FYB1: variants seen among roughly 807,000 people sequenced by gnomAD.
FYB1 encodes the protein FYN binding protein 1.
In FYB1, 41 loss-of-function variants were observed where a neutral mutation model predicts 94.1. That is an observed-to-expected ratio of 0.44 (90% CI 0.34 to 0.57). FYB1 has a LOEUF of 0.57. Among genes scored for constraint, FYB1 ranks in the 20% least tolerant of loss-of-function variants. The pLI is 0.02. For synonymous variants in FYB1, 367 were observed against 353.2 expected (o/e 1.04, Z -0.44); for missense variants, 1,050 against 976.8 (o/e 1.07, Z -1.00).
intron 2 of FYB1, among the ~76,000 whole-genome samples, chr5:39,172,441 A>G (rs1039561204): frequency 2.8e-4 from 26 of 92,256 alleles, no homozygotes; most frequent in Non-Finnish European, 7.7e-4. Context: ...GCAAGACTCC[A>G]TCTCAAAAAA....
At chr5:39,133,741 C>T (rs573980747) in intron 9 of FYB1, among the ~76,000 whole-genome samples, 14 of 152,016 alleles carry the variant, frequency 9.2e-5, no homozygotes, top group African/African-American at 2.2e-4. Context: ...CATAAAAAAA[C>T]GGAGTTTTTA....
intron 3 of FYB1, among the ~76,000 whole-genome samples, chr5:39,145,721 C>T (rs1742585678): frequency 6.6e-6 from 1 of 151,882 alleles, no homozygotes; most frequent in African/African-American, 2.4e-5. Flanking sequence ...ATCAATCTTG[C>T]CCTGTAAAGC....
chr5:39,120,264 CAG>C (rs1056650289), intron 14 of FYB1, among the ~76,000 whole-genome samples: 12 of 150,650 alleles, frequency 8.0e-5, no homozygotes, highest in Admixed American at 8.0e-4. Flanking sequence ...GAAAGAGAGA[CAG>C]AGACAGAGAG....
rs371493862 is a variant in FYB1, at chr5:39,242,714, C to A, written c.-28+31689G>T. ...GTTCTAGATCCCCGAGGAATCACCACACTGTCATCCAGAGTGTTTGAACTA... is the reference window on the plus strand; with the variant it reads ...GTTCTAGATCCCCGAGGAATCACCAAACTGTCATCCAGAGTGTTTGAACTA... On this transcript the variant is annotated intron_variant, in intron 1 of 1. Transcript: ENST00000510188. 9.8e-4 allele frequency among the ~76,000 whole-genome samples: 149 copies of A among 152,354 alleles called. 2 individuals carry two copies. The South Asian group carries it at 0.011, about 11-fold the overall frequency.
chr5:39,239,709 C>CA (rs1255383408), intron 1 of FYB1, among the ~76,000 whole-genome samples: 2 of 152,016 alleles, frequency 1.3e-5, no homozygotes, highest in African/African-American at 4.8e-5. Context: ...TTGGAAGAAT[C>CA]AATATTATTA....
At chr5:39,170,282 C>T (rs1458994370) in intron 2 of FYB1, 3 of 1,372,492 alleles carry the variant, frequency 2.2e-6, no homozygotes, top group African/African-American at 2.9e-5. Context: ...CCTTGATCAA[C>T]TCAGTTTAAA....
In FYB1 at chr5:39,108,252, T is replaced by C; in HGVS notation, c.2446A>G (p.Ile816Val). 6.5e-7 allele frequency: 1 copy of C among 1,528,580 alleles called. No individual in the cohort carries two copies. The highest frequency in any genetic ancestry group is 8.9e-7 in the Non-Finnish European group (1 of 1,128,978). The allele number at this position is 1,528,580 out of a possible 1,614,324, so 94.7% of individuals were successfully genotyped here. A position where few individuals can be genotyped will look rare whatever the true frequency, so the allele number is the denominator to read the frequency against. The part of the protein sequence containing the change: ...RSYLADNDGE[I>V]YDDIADGCIY... ...TTACCATCAGCAATATCATCATAGA[T>C]CTCTCCATCACTGTAAATGTAAAAA... is the stretch of plus-strand genomic sequence containing the variant. Residue 816 changes from isoleucine (I) to valine (V), a missense_variant, in exon 18 of 19, where the codon ATC (isoleucine) becomes GTC (valine). Ile to Val is a conservative substitution (Grantham distance 29). Transcript: ENST00000512982.
upstream of FYB1, among the ~76,000 whole-genome samples, chr5:39,224,141 G>A (rs1395961534): frequency 2.0e-5 from 3 of 152,150 alleles, no homozygotes; most frequent in Admixed American, 6.5e-5. Flanking sequence ...TAAATAACAC[G>A]AAACCGATGG....
chr5:39,217,985 T>C (rs1465519634), intron 1 of FYB1, among the ~76,000 whole-genome samples: 1 of 152,208 alleles, frequency 6.6e-6, no homozygotes, highest in Non-Finnish European at 1.5e-5. Context: ...GATTGCTCTA[T>C]GAAGCAGCCG....
chr5:39,220,427 A>G (rs1271932773), upstream of FYB1, among the ~76,000 whole-genome samples: 2 of 151,618 alleles, frequency 1.3e-5, no homozygotes, highest in Non-Finnish European at 2.9e-5. Context: ...GAAAAAAAAA[A>G]AAGAAGAAAG....
At position 39,137,717 on chromosome 5, in the gene FYB1, T is replaced by A. The variant is rs1297461090; in HGVS notation, c.1398A>T (p.Glu466Asp). ...TTTTCTTCTCTCTTTCTTTGGATGC[T>A]TCTCTGTGAGTAAAAATTGTTAGGT... is the stretch of plus-strand genomic sequence containing the variant. The part of the protein sequence containing the change: ...DSEGETYEDI[E>D]ASKEREKKRE... The change falls in exon 7 of 19, where the codon GAA (glutamate) becomes GAT (aspartate). Residue 466 changes from glutamate (E) to aspartate (D), a missense_variant. Physicochemically the swap from Glu to Asp is conservative, Grantham distance 45. Transcript: ENST00000512982. The A allele has an allele frequency of 6.4e-7, 1 of 1,551,224 alleles. No homozygotes were observed. Among genetic ancestry groups the A allele is most frequent in the East Asian group, 2.4e-5 (1 of 40,902 alleles).
chr5:39,214,575 C>T (rs1159820438), intron 1 of FYB1, among the ~76,000 whole-genome samples: 4 of 152,300 alleles, frequency 2.6e-5, no homozygotes, highest in African/African-American at 9.6e-5. Context: ...GAAGGAAATT[C>T]TGACATTCAA....
chr5:39,245,405 T>C (rs1398789378), intron 1 of FYB1, among the ~76,000 whole-genome samples: 2 of 152,164 alleles, frequency 1.3e-5, no homozygotes, highest in Non-Finnish European at 2.9e-5. Context: ...GAATGGAGAA[T>C]AACATAACAA....
chr5:39,235,652 G>A (rs10045107), intron 1 of FYB1, among the ~76,000 whole-genome samples: 3 of 151,196 alleles, frequency 2.0e-5, no homozygotes, highest in Admixed American at 1.3e-4. Flanking sequence ...ATAAACAGTC[G>A]TTAAGCAGTT....
At chr5:39,259,940 AAAACTG>A (rs1254009948) in intron 1 of FYB1, among the ~76,000 whole-genome samples, 1 of 151,786 alleles carries the variant, frequency 6.6e-6, no homozygotes, top group African/African-American at 2.4e-5. Flanking sequence ...TGTTAGTGCT[AAAACTG>A]GGAGAGTGCT....
intron 1 of FYB1, among the ~76,000 whole-genome samples, chr5:39,237,847 A>C (rs1467278755): frequency 6.6e-6 from 1 of 152,068 alleles, no homozygotes; most frequent in Non-Finnish European, 1.5e-5. Context: ...GAAATCAGTC[A>C]ATTGTATTTG....
chr5:39,134,210 G>A lies in FYB1; in HGVS notation c.1815C>T (p.Ser605=), dbSNP rs367591231. ...YDDVAEQDDI[S]SHSQSGSGGI... is the part of the protein sequence containing the mutation. The stretch of plus-strand genomic sequence containing the variant: ...CTACAATACGTACTTGCACATACCT[G>A]CTAATATCATCCTGCTCTGCAACAT... The change falls in exon 9 of 19, where the codon AGC becomes AGT. Residue 605 remains serine, a splice_region_variant and synonymous_variant. Transcript: ENST00000512982. 1.2e-6 allele frequency: 2 copies of A among 1,607,712 alleles called. No homozygotes were observed. The highest frequency in any genetic ancestry group is 1.7e-6 in the Non-Finnish European group (2 of 1,175,186).
intron 7 of FYB1, 44 bp downstream of exon 7, chr5:39,137,556 T>G: frequency 6.6e-7 from 1 of 1,520,448 alleles, no homozygotes; most frequent in Non-Finnish European, 8.8e-7. Context: ...GTGAAAGGTA[T>G]AAAAAGATGT....
At chr5:39,258,664 G>A (rs1369580864) in intron 1 of FYB1, among the ~76,000 whole-genome samples, 1 of 152,042 alleles carries the variant, frequency 6.6e-6, no homozygotes, top group Admixed American at 6.6e-5. Flanking sequence ...GGAGCTAAAG[G>A]GAAATGCAGG....
Sources: allele counts gnomAD v4.1 joint callset (sites outside exome capture counted in the v4.1 genomes callset), GRCh38; gene constraint gnomAD v4.1.1; transcripts MANE v1.5; gene names NCBI Gene and HGNC (gene_info 2026-07-23, HGNC 2026-07-21).